Variants in EPB41L2 observed in about 807,000 individuals in gnomAD.
The protein encoded by EPB41L2 is band 4.1-like protein 2.
A neutral mutation model predicts 113.0 loss-of-function variants in EPB41L2; 43 were observed. The observed-to-expected ratio is 0.38, with a 90% CI of 0.30 to 0.49. The LOEUF is 0.49. Among genes scored for constraint, EPB41L2 ranks in the 20% least tolerant of loss-of-function variants. EPB41L2 has a pLI of 0.95. For missense variants in EPB41L2, 1,147 were observed against 1,223.4 expected (o/e 0.94, Z 0.93); for synonymous variants, 442 against 436.7 (o/e 1.01, Z -0.15).
intron 1 of EPB41L2, among the ~76,000 whole-genome samples, chr6:130,989,042 T>C (rs6942376): frequency 0.21 from 31,881 of 151,998 alleles, 3,870 homozygotes; most frequent in African/African-American, 0.31. Context: ...TGAGCCAAGA[T>C]CACGCCACTG....
intron 3 of EPB41L2, among the ~76,000 whole-genome samples, chr6:130,952,300 A>G (rs1815416117): frequency 7.4e-6 from 1 of 135,678 alleles, no homozygotes; most frequent in African/African-American, 2.5e-5. Flanking sequence ...TTCCGCCACT[A>G]GGTATCTACC....
At chr6:130,877,789 G>A (rs1788026810) in intron 14 of EPB41L2, among the ~76,000 whole-genome samples, 1 of 151,652 alleles carries the variant, frequency 6.6e-6, no homozygotes. Context: ...TAACTAAAAA[G>A]CTTATTAAAT....
At chr6:130,997,777 A>G (rs762426117) in intron 1 of EPB41L2, among the ~76,000 whole-genome samples, 13 of 152,226 alleles carry the variant, frequency 8.5e-5, no homozygotes, top group Non-Finnish European at 1.6e-4. Context: ...GTGAAAATTA[A>G]CACAAAACAG....
At chr6:131,016,030 G>A (rs1391533651) in intron 1 of EPB41L2, among the ~76,000 whole-genome samples, 1 of 152,174 alleles carries the variant, frequency 6.6e-6, no homozygotes, top group African/African-American at 2.4e-5. Flanking sequence ...GCTATGAATC[G>A]TCTAGGTTTG....
intron 4 of EPB41L2, among the ~76,000 whole-genome samples, chr6:130,923,077 C>A (rs932073137): frequency 6.6e-6 from 1 of 152,182 alleles, no homozygotes; most frequent in African/African-American, 2.4e-5. Flanking sequence ...TACTGAACAA[C>A]TCCAACCATC....
chr6:130,877,985 A>G (rs771886012), intron 14 of EPB41L2, 119 bp downstream of exon 14: 41 of 1,042,166 alleles, frequency 3.9e-5, no homozygotes, highest in Non-Finnish European at 5.2e-5. Context: ...TAGTAATTAC[A>G]TAAAAATAAT....
chr6:130,857,222 G>A (rs1394855314), intron 19 of EPB41L2, among the ~76,000 whole-genome samples: 1 of 152,098 alleles, frequency 6.6e-6, no homozygotes. Flanking sequence ...CAAATTTATA[G>A]GTGAAAACTT....
At chr6:130,928,326 C>G (rs1266735398) in intron 3 of EPB41L2, among the ~76,000 whole-genome samples, 1 of 152,158 alleles carries the variant, frequency 6.6e-6, no homozygotes, top group African/African-American at 2.4e-5. Flanking sequence ...TACTTACAAG[C>G]TATGTGACCC....
chr6:130,983,015 T>C (rs1346368030), intron 1 of EPB41L2, among the ~76,000 whole-genome samples: 1 of 152,242 alleles, frequency 6.6e-6, no homozygotes, highest in Non-Finnish European at 1.5e-5. Flanking sequence ...CATCACACCA[T>C]GATGCTTATA....
intron 1 of EPB41L2, among the ~76,000 whole-genome samples, chr6:131,043,065 G>GAGGC (rs1162388425): frequency 6.6e-6 from 1 of 152,130 alleles, no homozygotes; most frequent in Admixed American, 6.6e-5. Flanking sequence ...TTGAGAGGCC[G>GAGGC]AGGCAGGCAG....
At chr6:130,947,937 G>A (rs770323463) in intron 3 of EPB41L2, among the ~76,000 whole-genome samples, 32 of 152,192 alleles carry the variant, frequency 2.1e-4, no homozygotes, top group Non-Finnish European at 4.7e-4. Flanking sequence ...GAGATGTAAA[G>A]TCACAGCTTA....
intron 1 of EPB41L2, among the ~76,000 whole-genome samples, chr6:131,051,961 G>C (rs1158055393): frequency 6.7e-6 from 1 of 149,944 alleles, no homozygotes; most frequent in African/African-American, 2.5e-5. Flanking sequence ...TTTTGAGACG[G>C]AGTCTTACTC....
chr6:130,998,078 A>C (rs1783553649), intron 1 of EPB41L2, among the ~76,000 whole-genome samples: 1 of 152,202 alleles, frequency 6.6e-6, no homozygotes, highest in African/African-American at 2.4e-5. Context: ...CATTTCATTT[A>C]ATTTCTCACG....
chr6:130,910,150 A>G (rs940645405), intron 4 of EPB41L2, among the ~76,000 whole-genome samples: 1 of 152,204 alleles, frequency 6.6e-6, no homozygotes, highest in Non-Finnish European at 1.5e-5. Flanking sequence ...TACAGTAACC[A>G]AAACAGCATG....
At chr6:130,888,484 G>A (rs1024207902) in intron 11 of EPB41L2, among the ~76,000 whole-genome samples, 2 of 152,110 alleles carry the variant, frequency 1.3e-5, no homozygotes, top group South Asian at 2.1e-4. Flanking sequence ...CTTGAGCACA[G>A]TTTGTATACC....
chr6:130,913,771 G>C (rs1341431078), intron 4 of EPB41L2, among the ~76,000 whole-genome samples: 1 of 151,990 alleles, frequency 6.6e-6, no homozygotes, highest in Non-Finnish European at 1.5e-5. Flanking sequence ...TGCATTACCA[G>C]TTACAAAGAA....
At chr6:130,954,057 T>C (rs1312868004) in intron 3 of EPB41L2, among the ~76,000 whole-genome samples, 3 of 108,288 alleles carry the variant, frequency 2.8e-5, no homozygotes, top group Non-Finnish European at 6.0e-5. Flanking sequence ...TTTTTTTTTT[T>C]TTTTTTTTTT....
intron 4 of EPB41L2, among the ~76,000 whole-genome samples, chr6:130,922,839 C>T (rs1342661489): frequency 6.6e-6 from 1 of 152,108 alleles, no homozygotes; most frequent in African/African-American, 2.4e-5. Flanking sequence ...ATATGATATT[C>T]ACATCAGGAA....
chr6:131,053,570 G>C (rs756557960), intron 1 of EPB41L2, among the ~76,000 whole-genome samples: 1 of 152,250 alleles, frequency 6.6e-6, no homozygotes, highest in Non-Finnish European at 1.5e-5. Context: ...AACAAGAACA[G>C]GGAGGAGGAG....
Sources: gnomAD v4.1 joint callset for allele counts (sites outside exome capture counted in the v4.1 genomes callset) on GRCh38, gnomAD v4.1.1 for gene constraint, MANE v1.5 for transcripts, NCBI Gene and HGNC (gene_info 2026-07-23, HGNC 2026-07-21) for gene names.